Variants in ZZEF1 observed in about 807,000 individuals in gnomAD.
ZZEF1 encodes the protein zinc finger ZZ-type and EF-hand domain-containing protein 1.
ZZEF1 carries 157 observed loss-of-function variants against 342.8 expected under a neutral mutation model. The ratio of observed to expected loss-of-function variants is 0.46; its 90% CI spans 0.40 to 0.52. ZZEF1 has a LOEUF of 0.52. Among genes scored for constraint, ZZEF1 ranks in the 20% least tolerant of loss-of-function variants. The pLI is 0.00. For missense variants in ZZEF1, 3,480 were observed against 3,725.6 expected (o/e 0.93, Z 1.72); for synonymous variants, 1,505 against 1,429.1 (o/e 1.05, Z -1.20).
intron 36 of ZZEF1, 26 bp downstream of exon 36, chr17:4,050,755 T>C: frequency 6.2e-7 from 1 of 1,612,230 alleles, no homozygotes; most frequent in Non-Finnish European, 8.5e-7. Context: ...AGGGCTGGTT[T>C]TGGTTTCTGT....
At chr17:4,060,032 T>G (rs916626954) in intron 30 of ZZEF1, among the ~76,000 whole-genome samples, 1 of 152,222 alleles carries the variant, frequency 6.6e-6, no homozygotes, top group African/African-American at 2.4e-5. Context: ...CTTCTCAGCT[T>G]AGATTCCATG....
chr17:4,009,317 C>T, intron 53 of ZZEF1: 1 of 573,476 alleles, frequency 1.7e-6, no homozygotes, highest in Non-Finnish European at 3.1e-6. Flanking sequence ...GCAGAAATAA[C>T]CCATCGTTTT....
intron 39 of ZZEF1, among the ~76,000 whole-genome samples, chr17:4,038,205 G>C (rs1597795974): frequency 6.6e-6 from 1 of 152,224 alleles, no homozygotes; most frequent in Non-Finnish European, 1.5e-5. Context: ...TGCCGTGGGA[G>C]TGTGAACCGG....
At chr17:4,067,102 T>C in intron 27 of ZZEF1, 61 bp downstream of exon 27, 1 of 1,374,656 alleles carries the variant, frequency 7.3e-7, no homozygotes, top group South Asian at 1.2e-5. Context: ...TCATCTTAAT[T>C]CCATGATATC....
intron 44 of ZZEF1, 40 bp from the exon 45 acceptor site, chr17:4,021,360 T>G (rs752700358): frequency 1.3e-6 from 2 of 1,538,698 alleles, no homozygotes; most frequent in South Asian, 2.4e-5. Context: ...GAGCACTCAG[T>G]GGGCGGGAAG....
chr17:4,066,366 T>C, intron 28 of ZZEF1, 81 bp downstream of exon 28: 1 of 1,208,056 alleles, frequency 8.3e-7, no homozygotes, highest in Non-Finnish European at 1.2e-6. Flanking sequence ...TAAGATAATC[T>C]AGAAGGTGAG....
In ZZEF1 at chr17:4,114,474, TA is replaced by T; in HGVS notation, c.695-5del. The T allele has an allele frequency of 6.6e-7, 1 of 1,513,684 alleles. No homozygotes were observed. The highest frequency in any genetic ancestry group is 2.5e-5 in the East Asian group (1 of 40,608). 93.8% of individuals were successfully genotyped at this position (1,513,684 alleles called of 1,614,324 possible). On this transcript the variant is annotated splice_polypyrimidine_tract_variant and splice_region_variant and intron_variant, in intron 3 of 54. Transcript: ENST00000381638. ...CTAGTTAGATCTCCAGGGCTTTCTG[TA>T]GGGGAAACCAGAGTTGATTATATGA... is the stretch of plus-strand genomic sequence containing the variant.
At chr17:4,138,068 TG>T (rs1258140615) in intron 1 of ZZEF1, among the ~76,000 whole-genome samples, 1 of 151,598 alleles carries the variant, frequency 6.6e-6, no homozygotes, top group Non-Finnish European at 1.5e-5. Flanking sequence ...CTAGTGCAGG[TG>T]GGGGAAAGGT....
intron 26 of ZZEF1, among the ~76,000 whole-genome samples, chr17:4,069,939 C>T (rs1355856501): frequency 2.8e-4 from 43 of 152,180 alleles, no homozygotes; most frequent in Admixed American, 2.8e-3. Flanking sequence ...GAAGACATAC[C>T]CTGCCAGGCG....
At chr17:4,066,336 T>C in intron 28 of ZZEF1, 111 bp downstream of exon 28, 1 of 882,096 alleles carries the variant, frequency 1.1e-6, no homozygotes, top group Non-Finnish European at 1.9e-6. Flanking sequence ...TTACTTTCCC[T>C]AGGTCAACAC....
Position 4,105,773 on chromosome 17 carries a change from T to C in ZZEF1, c.1314A>G (p.Ser438=), listed in dbSNP as rs76562422. The change falls in exon 7 of 55, where the codon TCA becomes TCG. Residue 438 remains serine, a synonymous_variant. Transcript: ENST00000381638. ...AAGTTGAGAAATCTGTAGATCCTGG[T>C]GAGAGAGAGAGTGGAGGCATGTGCC... ...ALRHMPPLSL[S]PGSTDFSTFL... is the part of the protein sequence containing the mutation. The C allele has an allele frequency of 6.4e-5, 104 of 1,613,176 alleles. No individual in the cohort carries two copies. Among genetic ancestry groups the C allele is most frequent in the Non-Finnish European group, 8.3e-5 (98 of 1,179,652 alleles).
At chr17:4,089,136 T>C (rs1218226335) in intron 12 of ZZEF1, among the ~76,000 whole-genome samples, 1 of 152,192 alleles carries the variant, frequency 6.6e-6, no homozygotes, top group East Asian at 1.9e-4. Context: ...ATTGCATCAT[T>C]ACTCCCTCTT....
Position 4,056,281 on chromosome 17 carries a change from G to C in ZZEF1, c.5230C>G (p.Gln1744Glu). 6.3e-7 allele frequency: 1 copy of C among 1,599,840 alleles called. No individual in the cohort carries two copies. Residue 1744 changes from glutamine (Q) to glutamate (E), a missense_variant, in exon 33 of 55, where the codon CAG becomes GAG. Gln to Glu is a conservative substitution (Grantham distance 29). Around this residue, in one of 5 missense-constraint regions of ZZEF1, gnomAD observed 175 missense variants for 254.6 expected, o/e 0.69. Transcript: ENST00000381638. ...TACCAGGCCTCAAACATGCCATCCT[G>C]ACACTCATCCATCCATTCTGAATTC... ...KQNSEWMDEC[Q>E]DGMFEAWYEK...
chr17:4,115,107 G>T (rs564092368), intron 3 of ZZEF1, among the ~76,000 whole-genome samples: 1 of 151,866 alleles, frequency 6.6e-6, no homozygotes, highest in Admixed American at 6.6e-5. Context: ...CCGCAGCCTC[G>T]ATCTCCTAGG....
chr17:4,128,297 G>C (rs1416245794), intron 1 of ZZEF1, among the ~76,000 whole-genome samples: 3 of 140,152 alleles, frequency 2.1e-5, no homozygotes, highest in Non-Finnish European at 4.5e-5. Context: ...GCAGTGAGCT[G>C]AGATGGCGCC....
intron 2 of ZZEF1, among the ~76,000 whole-genome samples, chr17:4,117,872 C>T (rs2058423794): frequency 6.6e-6 from 1 of 152,086 alleles, no homozygotes; most frequent in Admixed American, 6.5e-5. Context: ...GATACTAAGA[C>T]AATGATAATG....
At chr17:4,142,152 G>T (rs908219777) in intron 1 of ZZEF1, among the ~76,000 whole-genome samples, 1 of 152,152 alleles carries the variant, frequency 6.6e-6, no homozygotes, top group African/African-American at 2.4e-5. Flanking sequence ...AATTGGGAAG[G>T]TGCTGTGTAA....
intron 54 of ZZEF1, among the ~76,000 whole-genome samples, chr17:4,007,573 C>T (rs931319605): frequency 6.6e-6 from 1 of 152,162 alleles, no homozygotes; most frequent in Non-Finnish European, 1.5e-5. Context: ...AGGGACCCGC[C>T]CACAGGCAAG....
chr17:4,092,443 T>C (rs1325689665), intron 11 of ZZEF1, among the ~76,000 whole-genome samples: 1 of 151,746 alleles, frequency 6.6e-6, no homozygotes, highest in African/African-American at 2.4e-5. Flanking sequence ...GGATTACAGG[T>C]GCCTGCCACC....
Sources: gnomAD v4.1 joint callset for allele counts (sites outside exome capture counted in the v4.1 genomes callset) on GRCh38, gnomAD v4.1.1 for gene constraint, gnomAD v4.1.1 regional missense constraint, MANE v1.5 for transcripts, NCBI Gene and HGNC (gene_info 2026-07-23, HGNC 2026-07-21) for gene names.